GRIA1: variants seen among roughly 807,000 people sequenced by gnomAD.
The protein encoded by GRIA1 is glutamate receptor 1.
A neutral mutation model predicts 99.2 loss-of-function variants in GRIA1; 31 were observed. The observed-to-expected ratio is 0.31, with a 90% confidence interval of 0.23 to 0.42. The LOEUF (loss-of-function observed/expected upper bound fraction) is 0.42. Ranked by LOEUF, GRIA1 falls within the 10% of genes least tolerant of loss-of-function variation. The pLI is 1.00. For synonymous variants in GRIA1, 438 were observed against 432.4 expected, an observed-to-expected ratio of 1.01 and a Z score of -0.16; for missense variants, 782 against 1,157.5, an observed-to-expected ratio of 0.68 and a Z score of 4.71.
rs185969720 is a variant in GRIA1 at position 153,720,288 on chromosome 5, T to A, written c.1823+14221T>A. 3.9e-5 allele frequency among the ~76,000 whole-genome samples: 6 copies of A among 152,324 alleles called. No individual in the cohort carries two copies. In the East Asian group the frequency reaches 7.7e-4, roughly 20 times the overall value. ...AATAAGCAATTTTTTAAAGGACTAA[T>A]GTTTAGACTTCAACACCTTTCAGGT... On this transcript the variant is annotated intron_variant, in intron 11 of 15. Coordinates refer to ENST00000285900, the MANE Select transcript of GRIA1 (RefSeq NM_000827.4).
intron 11 of GRIA1, among the ~76,000 whole-genome samples, chr5:153,724,271 G>A (rs1056399035): frequency 2.2e-5 from 3 of 138,830 alleles, no homozygotes; most frequent in Non-Finnish European, 4.6e-5. Flanking sequence ...AAGACCAAAA[G>A]TAGATAAAAC....
intron 4 of GRIA1, among the ~76,000 whole-genome samples, chr5:153,654,321 A>C (rs1181526071): frequency 1.3e-5 from 2 of 152,170 alleles, no homozygotes; most frequent in Non-Finnish European, 2.9e-5. Flanking sequence ...GTCATCAGTT[A>C]TCAGCTGTTT....
intron 2 of GRIA1, among the ~76,000 whole-genome samples, chr5:153,620,664 G>A (rs1157646297): frequency 1.3e-5 from 2 of 152,130 alleles, no homozygotes; most frequent in Non-Finnish European, 2.9e-5. Context: ...CACTCTATCA[G>A]ACTAGGGTTT....
At chr5:153,787,835 C>T (rs567399345) in intron 13 of GRIA1, among the ~76,000 whole-genome samples, 1 of 152,228 alleles carries the variant, frequency 6.6e-6, no homozygotes, top group East Asian at 1.9e-4. Flanking sequence ...AATGCATCCA[C>T]TTTGGGAGGC....
intron 13 of GRIA1, among the ~76,000 whole-genome samples, chr5:153,788,339 T>C (rs1765099200): frequency 6.6e-6 from 1 of 152,204 alleles, no homozygotes; most frequent in Admixed American, 6.5e-5. Context: ...AGCCTTCTCA[T>C]TGGCTTCCAT....
At chr5:153,675,662 T>G (rs896905097) in intron 6 of GRIA1, among the ~76,000 whole-genome samples, 1 of 152,192 alleles carries the variant, frequency 6.6e-6, no homozygotes, top group Non-Finnish European at 1.5e-5. Flanking sequence ...ACAGAGATAC[T>G]TCTTATCCCA....
chr5:153,620,285 C>CTT (rs57847273), intron 2 of GRIA1, among the ~76,000 whole-genome samples: 9 of 146,820 alleles, frequency 6.1e-5, no homozygotes, highest in Non-Finnish European at 1.1e-4. Flanking sequence ...TTGGGATAGA[C>CTT]TTTTTTTTTT....
intron 2 of GRIA1, among the ~76,000 whole-genome samples, chr5:153,535,758 C>G (rs1448406463): frequency 6.6e-6 from 1 of 152,218 alleles, no homozygotes; most frequent in Admixed American, 6.5e-5. Context: ...CTTGCACTCC[C>G]TAACTCAGTG....
intron 11 of GRIA1, among the ~76,000 whole-genome samples, chr5:153,751,912 GCGTGAACTGTC>G (rs1762534956): frequency 6.6e-6 from 1 of 152,154 alleles, no homozygotes; most frequent in Non-Finnish European, 1.5e-5. Flanking sequence ...TACCCAGAAG[GCGTGAACTGTC>G]CATTGAGCAT....
At chr5:153,587,357 A>G (rs1009531990) in intron 2 of GRIA1, among the ~76,000 whole-genome samples, 1 of 152,214 alleles carries the variant, frequency 6.6e-6, no homozygotes, top group South Asian at 2.1e-4. Context: ...CCAGAAGCAG[A>G]TGCTGGTGCT....
intron 2 of GRIA1, among the ~76,000 whole-genome samples, chr5:153,500,274 G>GTTCATTCA (rs150813341): frequency 6.6e-6 from 1 of 152,128 alleles, no homozygotes; most frequent in South Asian, 2.1e-4. Context: ...TCATGTATTT[G>GTTCATTCA]TTCATTCATT....
intron 11 of GRIA1, among the ~76,000 whole-genome samples, chr5:153,716,712 A>G (rs1371612155): frequency 6.6e-6 from 1 of 152,206 alleles, no homozygotes; most frequent in African/African-American, 2.4e-5. Flanking sequence ...TTCCATAGTC[A>G]CAGCCAAAGC....
intron 2 of GRIA1, among the ~76,000 whole-genome samples, chr5:153,572,881 G>T (rs1762239116): frequency 6.6e-6 from 1 of 152,202 alleles, no homozygotes; most frequent in African/African-American, 2.4e-5. Context: ...TGTGGCGTTG[G>T]CATGGGAAGA....
At chr5:153,781,467 C>G (rs964986914) in intron 13 of GRIA1, among the ~76,000 whole-genome samples, 4 of 152,168 alleles carry the variant, frequency 2.6e-5, no homozygotes, top group African/African-American at 9.7e-5. Flanking sequence ...TGCCCTCCAC[C>G]CATATTTCCA....
chr5:153,706,111 TG>T, intron 11 of GRIA1, 44 bp downstream of exon 11: 2 of 1,382,930 alleles, frequency 1.4e-6, no homozygotes, highest in Non-Finnish European at 2.0e-6. Flanking sequence ...GCTATGGTTT[TG>T]TTTGTTTGTT....
chr5:153,684,087 T>G (rs1263965267), intron 7 of GRIA1, among the ~76,000 whole-genome samples: 1 of 152,200 alleles, frequency 6.6e-6, no homozygotes, highest in East Asian at 1.9e-4. Flanking sequence ...ATTTTAGACC[T>G]GCCTCTGCCA....
upstream of GRIA1, chr5:153,489,954 C>T (rs1019009247): frequency 4.8e-6 from 2 of 413,030 alleles, no homozygotes; most frequent in African/African-American, 2.1e-5. Flanking sequence ...GAAAAGAGAC[C>T]ACCGTTTCAC....
At chr5:153,597,062 C>A (rs999325004) in intron 2 of GRIA1, among the ~76,000 whole-genome samples, 3 of 152,186 alleles carry the variant, frequency 2.0e-5, no homozygotes, top group African/African-American at 7.2e-5. Flanking sequence ...GCAGAGAGAG[C>A]AAGCAAACAC....
chr5:153,500,930 CA>C (rs1212044502), intron 2 of GRIA1, among the ~76,000 whole-genome samples: 1 of 152,072 alleles, frequency 6.6e-6, no homozygotes, highest in African/African-American at 2.4e-5. Flanking sequence ...TCCCCTCCCC[CA>C]AGCTTATTTA....
Sources: allele counts gnomAD v4.1 joint callset (sites outside exome capture counted in the v4.1 genomes callset), GRCh38; gene constraint gnomAD v4.1.1; transcripts MANE v1.5; gene names NCBI Gene and HGNC (gene_info 2026-07-23, HGNC 2026-07-21).